CLEC5A: variants seen among roughly 807,000 people sequenced by gnomAD.
The protein encoded by CLEC5A is C-type lectin domain family 5 member A.
CLEC5A carries 15 observed loss-of-function variants against 24.4 expected under a neutral mutation model. The observed-to-expected ratio is 0.62, with a 90% CI of 0.41 to 0.95. The LOEUF (loss-of-function observed/expected upper bound fraction) is 0.95. Among genes scored for constraint, CLEC5A ranks in the 40% least tolerant of loss-of-function variants. CLEC5A has a pLI of 0.00. For synonymous variants in CLEC5A, 71 were observed against 72.6 expected (o/e 0.98, Z 0.11); for missense variants, 211 against 224.0 (o/e 0.94, Z 0.37).
At chr7:141,946,159 A>C in intron 2 of CLEC5A, 55 bp downstream of exon 2, 2 of 1,520,428 alleles carry the variant, frequency 1.3e-6, no homozygotes, top group Non-Finnish European at 1.8e-6. Context: ...CTGAGAGAAG[A>C]GTCAATGAGC....
chr7:141,927,593 T>A lies in CLEC5A; in HGVS notation c.*2511A>T, dbSNP rs1444282136. 1 of 152,298 alleles carries A rather than the reference T, an allele frequency of 6.6e-6. No homozygotes were observed. The highest frequency in any genetic ancestry group is 2.4e-5 in the African/African-American group (1 of 41,434). The allele number at this position is 152,298 out of a possible 1,614,324, so 9.4% of individuals were successfully genotyped here. A position where few individuals can be genotyped will look rare whatever the true frequency, so the allele number is the denominator to read the frequency against. On this transcript the variant is annotated 3_prime_UTR_variant, in exon 7 of 7. Coordinates refer to ENST00000546910, the MANE Select transcript of CLEC5A (RefSeq NM_013252.3). Reference sequence around the variant, plus strand: ...CTCTGCTGATCTCAGGTGGATTTGTTCGTGAGTCTAAGGGTTGGATGGGGG... The same window carrying A: ...CTCTGCTGATCTCAGGTGGATTTGTACGTGAGTCTAAGGGTTGGATGGGGG...
At position 141,931,762 on chromosome 7, in the gene CLEC5A, T is replaced by A. The variant is rs560818346; in HGVS notation, c.410A>T (p.Glu137Val). 1.2e-6 allele frequency: 2 copies of A among 1,606,470 alleles called. No individual in the cohort carries two copies. Among genetic ancestry groups the A allele is most frequent in the Admixed American group, 3.3e-5 (2 of 60,006 alleles). The change falls in exon 6 of 7, where the codon GAG becomes GTG. Residue 137 changes from glutamate to valine, a missense_variant. Physicochemically the swap from Glu to Val is moderately radical, Grantham distance 121. Coordinates refer to ENST00000546910, the MANE Select transcript of CLEC5A (RefSeq NM_013252.3). ...YFIGLIYHRE[E>V]KRWRWINNSV... The stretch of plus-strand genomic sequence containing the variant: ...GTTGTTGATCCAACGCCACCTTTTC[T>A]CTTCACGATGGTAAATTAAGCCAAT...
At chr7:141,943,553 T>C (rs1001769190) in intron 4 of CLEC5A, among the ~76,000 whole-genome samples, 2 of 152,070 alleles carry the variant, frequency 1.3e-5, no homozygotes. Flanking sequence ...CATAATTTAA[T>C]TGCAGATTTA....
At chr7:141,946,002 G>T in intron 2 of CLEC5A, 1 of 553,432 alleles carries the variant, frequency 1.8e-6, no homozygotes, top group Non-Finnish European at 3.2e-6. Flanking sequence ...AAACTGGTAA[G>T]TTCTATATCT....
chr7:141,939,961 A>G (rs916559883), intron 4 of CLEC5A, among the ~76,000 whole-genome samples: 16 of 152,174 alleles, frequency 1.1e-4, no homozygotes, highest in African/African-American at 3.4e-4. Context: ...AGCTAAAGAA[A>G]TAGATAGTCT....
intron 4 of CLEC5A, among the ~76,000 whole-genome samples, chr7:141,941,237 G>A (rs1201538781): frequency 6.6e-6 from 1 of 152,084 alleles, no homozygotes; most frequent in African/African-American, 2.4e-5. Context: ...TCACGACCAA[G>A]TGAGATTTAT....
At chr7:141,937,816 A>C (rs1304930396) in intron 4 of CLEC5A, among the ~76,000 whole-genome samples, 2 of 152,196 alleles carry the variant, frequency 1.3e-5, no homozygotes, top group African/African-American at 4.8e-5. Flanking sequence ...CAGGTCTGGG[A>C]AGGTCAGCAT....
intron 4 of CLEC5A, among the ~76,000 whole-genome samples, chr7:141,942,007 AGC>A (rs1802807827): frequency 6.6e-6 from 1 of 152,002 alleles, no homozygotes; most frequent in African/African-American, 2.4e-5. Context: ...CTCTACTCAA[AGC>A]AATCTACAGA....
At chr7:141,937,389 G>A (rs1444955796) in intron 4 of CLEC5A, among the ~76,000 whole-genome samples, 2 of 152,260 alleles carry the variant, frequency 1.3e-5, no homozygotes, top group African/African-American at 2.4e-5. Context: ...TAGTCTGGCA[G>A]TGACCCTGTG....
intron 4 of CLEC5A, among the ~76,000 whole-genome samples, chr7:141,943,306 G>A (rs1422735953): frequency 6.6e-6 from 1 of 152,104 alleles, no homozygotes; most frequent in Admixed American, 6.6e-5. Context: ...TATGTTACAT[G>A]AAATAAGCCA....
At chr7:141,932,943 C>G (rs1802508345) in intron 5 of CLEC5A, among the ~76,000 whole-genome samples, 1 of 152,200 alleles carries the variant, frequency 6.6e-6, no homozygotes, top group African/African-American at 2.4e-5. Context: ...ATCCTTAATG[C>G]TGAACTCTCA....
intron 5 of CLEC5A, among the ~76,000 whole-genome samples, chr7:141,934,023 T>C (rs1300957488): frequency 6.6e-6 from 1 of 152,184 alleles, no homozygotes; most frequent in Admixed American, 6.5e-5. Context: ...CCCTGAGTGT[T>C]CTTTCAGCTA....
At chr7:141,941,687 T>G (rs1554441671) in intron 4 of CLEC5A, among the ~76,000 whole-genome samples, 1 of 151,962 alleles carries the variant, frequency 6.6e-6, no homozygotes, top group Non-Finnish European at 1.5e-5. Context: ...AACCTAAAGA[T>G]TCCACCAAAA....
At chr7:141,934,000 C>G (rs1802543728) in intron 5 of CLEC5A, among the ~76,000 whole-genome samples, 1 of 152,160 alleles carries the variant, frequency 6.6e-6, no homozygotes, top group Non-Finnish European at 1.5e-5. Context: ...CTACATTTCA[C>G]CTGTGTATGG....
At position 141,946,564 on chromosome 7, in the gene CLEC5A, C is replaced by T. The variant is rs192050911; in HGVS notation, c.-21+243G>A. Among the ~76,000 whole-genome samples the T allele has an allele frequency of 4.6e-5, 7 of 152,306 alleles. No homozygotes were observed. In the East Asian group the frequency reaches 1.4e-3, roughly 29 times the overall value. On this transcript the variant is annotated intron_variant, in intron 1 of 6. Coordinates refer to ENST00000546910, the MANE Select transcript of CLEC5A (RefSeq NM_013252.3). Reference sequence around the variant, plus strand: ...CCCTACTCCAGGCCTCAGCCTTGCCCTATTTGTGGCCTCCTAAATTCTGTC... The same window carrying T: ...CCCTACTCCAGGCCTCAGCCTTGCCTTATTTGTGGCCTCCTAAATTCTGTC...
intron 4 of CLEC5A, among the ~76,000 whole-genome samples, chr7:141,943,556 C>A (rs2128962533): frequency 6.6e-6 from 1 of 151,912 alleles, no homozygotes; most frequent in African/African-American, 2.4e-5. Context: ...AATTTAATTG[C>A]AGATTTAAAC....
intron 5 of CLEC5A, among the ~76,000 whole-genome samples, chr7:141,932,703 C>G (rs541571165): frequency 1.3e-5 from 2 of 152,284 alleles, no homozygotes; most frequent in East Asian, 1.9e-4. Context: ...TATTTCTCCT[C>G]AAAGAAATTA....
At chr7:141,933,376 T>A (rs73525953) in intron 5 of CLEC5A, among the ~76,000 whole-genome samples, 9,838 of 151,496 alleles carry the variant, frequency 0.065, 460 homozygotes, top group South Asian at 0.18. Flanking sequence ...AGCCTGGAGC[T>A]CTTGAGGAAC....
intron 5 of CLEC5A, 146 bp from the exon 6 acceptor site, chr7:141,931,972 C>T: frequency 2.0e-6 from 1 of 488,316 alleles, no homozygotes; most frequent in South Asian, 3.6e-5. Flanking sequence ...CACAACTAAC[C>T]CTAAAGAAGT....
Sources: gnomAD v4.1 joint callset for allele counts (sites outside exome capture counted in the v4.1 genomes callset) on GRCh38, gnomAD v4.1.1 for gene constraint, MANE v1.5 for transcripts, NCBI Gene and HGNC (gene_info 2026-07-23, HGNC 2026-07-21) for gene names.